EP300: variants seen among roughly 807,000 people sequenced by gnomAD.
EP300 encodes the protein EP300 lysine acetyltransferase.
A neutral mutation model predicts 264.0 loss-of-function variants in EP300; 31 were observed. The ratio of observed to expected loss-of-function variants is 0.12; its 90% confidence interval spans 0.09 to 0.16. The LOEUF is 0.16. Ranked by LOEUF, EP300 falls within the 10% of genes least tolerant of loss-of-function variation. EP300 has a pLI of 1.00. For synonymous variants in EP300, 1,340 were observed against 1,045.4 expected, an observed-to-expected ratio of 1.28 and a Z score of -5.44; for missense variants, 2,766 against 3,052.9, an observed-to-expected ratio of 0.91 and a Z score of 2.21.
intron 4 of EP300, among the ~76,000 whole-genome samples, chr22:41,129,074 GATCTC>G (rs972987738): frequency 2.0e-5 from 3 of 151,974 alleles, no homozygotes; most frequent in Non-Finnish European, 2.9e-5. Flanking sequence ...GCAGTGGTGT[GATCTC>G]AGCTCACCGC....
intron 23 of EP300, among the ~76,000 whole-genome samples, chr22:41,167,830 T>TG (rs2059148368): frequency 1.4e-5 from 1 of 73,654 alleles, no homozygotes; most frequent in African/African-American, 5.2e-5. Context: ...TTTTTTGTTT[T>TG]TTTTTTTTTT....
Position 41,135,915 on chromosome 22 carries a change from T to G in EP300, c.1622+9T>G, listed in dbSNP as rs1307716637. Reference sequence around the variant, plus strand: ...GCCATAAATTCTCAAAAGTAAGTCTTAACGTGATTTATACCCTGGGTCACA... The same window carrying G: ...GCCATAAATTCTCAAAAGTAAGTCTGAACGTGATTTATACCCTGGGTCACA... On this transcript the variant is annotated intron_variant, in intron 7 of 30. Transcript: ENST00000263253. 6.3e-7 allele frequency: 1 copy of G among 1,588,500 alleles called. No homozygotes were observed. Among genetic ancestry groups the G allele is most frequent in the African/African-American group, 1.3e-5 (1 of 74,416 alleles).
At chr22:41,102,860 T>A (rs1374293004) in intron 1 of EP300, among the ~76,000 whole-genome samples, 1 of 152,088 alleles carries the variant, frequency 6.6e-6, no homozygotes, top group Non-Finnish European at 1.5e-5. Context: ...TTATTTATTA[T>A]TTATTTATTT....
intron 19 of EP300, 164 bp downstream of exon 19, chr22:41,158,664 A>G (rs541230482): frequency 2.8e-5 from 18 of 644,264 alleles, no homozygotes; most frequent in South Asian, 6.7e-5. Flanking sequence ...TTGCAGAACA[A>G]TAAAATTTTC....
At position 41,150,309 on chromosome 22, in the gene EP300, A is replaced by C. The variant is rs371609623; in HGVS notation, c.2817+111A>C. ...CTTTATCTCTTACTGTTTTCTCCACAAGTAGAATGTAATCTATTTTTCATT... is the reference window on the plus strand; with the variant it reads ...CTTTATCTCTTACTGTTTTCTCCACCAGTAGAATGTAATCTATTTTTCATT... On this transcript the variant is annotated intron_variant, in intron 14 of 30. Transcript: ENST00000263253. The C allele has an allele frequency of 4.0e-5, 51 of 1,272,714 alleles. No homozygotes were observed. In the East Asian group the frequency reaches 1.2e-3, roughly 30 times the overall value. The allele number at this position is 1,272,714 out of a possible 1,614,324, so 78.8% of individuals were successfully genotyped here.
intron 6 of EP300, among the ~76,000 whole-genome samples, chr22:41,132,702 T>C (rs1043055767): frequency 1.3e-5 from 2 of 151,984 alleles, no homozygotes; most frequent in African/African-American, 4.8e-5. Context: ...TAGAAATGAG[T>C]GTAGTTGGTA....
At position 41,113,157 on chromosome 22, in the gene EP300, AC is replaced by A. The variant is rs10529110; in HGVS notation, c.95-4020del. On this transcript the variant is annotated intron_variant, in intron 1 of 30. Transcript: ENST00000263253. The stretch of plus-strand genomic sequence containing the variant: ...GTTGGCTTGTTTGAATCAGGATTCC[AC>A]CCCCCCCCCAACTTATGCTATGGAT... Among the ~76,000 whole-genome samples the A allele has an allele frequency of 5.0e-3, 463 of 92,764 alleles. 61 individuals carry two copies. Among genetic ancestry groups the A allele is most frequent in the Middle Eastern group, 0.012 (2 of 162 alleles). The allele number at this position is 92,764 out of a possible 152,430, so 60.9% of individuals were successfully genotyped here.
intron 1 of EP300, among the ~76,000 whole-genome samples, chr22:41,107,004 T>C (rs1206764570): frequency 1.3e-5 from 2 of 152,124 alleles, no homozygotes; most frequent in East Asian, 3.9e-4. Context: ...CCTCCAAGGT[T>C]CGGGTGATTC....
chr22:41,118,741 A>T (rs1321721472), intron 2 of EP300, among the ~76,000 whole-genome samples: 1 of 151,954 alleles, frequency 6.6e-6, no homozygotes, highest in Non-Finnish European at 1.5e-5. Flanking sequence ...GGATCGCTTG[A>T]GCCCAGGAGT....
intron 2 of EP300, among the ~76,000 whole-genome samples, chr22:41,125,112 CTTTTTTTTTTT>C (rs930135062): frequency 4.4e-4 from 35 of 80,370 alleles, no homozygotes; most frequent in African/African-American, 1.6e-3. Flanking sequence ...CTTTTCTTTC[CTTTTTTTTTTT>C]TTTTTTTTTT....
intron 1 of EP300, among the ~76,000 whole-genome samples, chr22:41,104,893 G>A (rs910084111): frequency 1.3e-5 from 2 of 150,740 alleles, no homozygotes; most frequent in African/African-American, 4.9e-5. Context: ...GGCCGGGCAC[G>A]GTGGCTTACG....
intron 1 of EP300, among the ~76,000 whole-genome samples, chr22:41,113,162 C>A (rs1227582858): frequency 7.1e-6 from 1 of 139,874 alleles, no homozygotes; most frequent in Non-Finnish European, 1.5e-5. Context: ...ATTCCACCCC[C>A]CCCCCAACTT....
chr22:41,127,192 A>G (rs1008590239), intron 3 of EP300, among the ~76,000 whole-genome samples: 2 of 152,114 alleles, frequency 1.3e-5, no homozygotes, highest in Non-Finnish European at 2.9e-5. Context: ...GCTTTTAACT[A>G]CAGACACCCT....
intron 22 of EP300, among the ~76,000 whole-genome samples, chr22:41,166,150 T>C (rs1371574379): frequency 1.3e-5 from 2 of 152,210 alleles, no homozygotes; most frequent in Non-Finnish European, 1.5e-5. Context: ...TAACATACTA[T>C]AATCCATTTA....
chr22:41,148,382 T>G (rs2145734908), intron 12 of EP300, among the ~76,000 whole-genome samples: 1 of 152,328 alleles, frequency 6.6e-6, no homozygotes, highest in Admixed American at 6.5e-5. Flanking sequence ...CTCTGATTCT[T>G]GACCCTTTTG....
In EP300 at chr22:41,110,122, C is replaced by T. The variant is rs2058781025; in HGVS notation, c.95-7065C>T. Among the ~76,000 whole-genome samples the T allele has an allele frequency of 1.6e-5, 2 of 123,046 alleles. 1 individual carries two copies. Among genetic ancestry groups the T allele is most frequent in the Non-Finnish European group, 3.6e-5 (2 of 56,282 alleles). The allele number at this position is 123,046 out of a possible 152,430, so 80.7% of individuals were successfully genotyped here. A position where few individuals can be genotyped will look rare whatever the true frequency, so the allele number is the denominator to read the frequency against. On this transcript the variant is annotated intron_variant, in intron 1 of 30. Coordinates refer to ENST00000263253, the MANE Select transcript of EP300 (RefSeq NM_001429.4). ...CTGTGCCCATCCTGTTCCCTGCCCC[C>T]CCCCCCTTTTTTTTTAAGTTATTGA...
At chr22:41,137,047 G>T (rs1021833192) in intron 7 of EP300, among the ~76,000 whole-genome samples, 1 of 146,226 alleles carries the variant, frequency 6.8e-6, no homozygotes, top group Non-Finnish European at 1.5e-5. Flanking sequence ...GTGACAGAGC[G>T]ACACGCCATC....
rs1186474207 is a variant in EP300 at position 41,140,251 on chromosome 22, C to G, written c.1872C>G (p.Asn624Lys). ...KVEGDMYESA[N>K]NRAEYYHLLA... is the part of the protein sequence containing the mutation. ...AAGGGGACATGTATGAATCTGCAAA[C>G]AATCGAGTGAGTGTCTGGTTTTTTT... is the stretch of plus-strand genomic sequence containing the variant. The change falls in exon 9 of 31, where the codon AAC (asparagine) becomes AAG (lysine). Residue 624 changes from asparagine (N) to lysine (K), a missense_variant. By Grantham distance (94) the Asn-to-Lys change is moderately conservative. Coordinates refer to ENST00000263253, the MANE Select transcript of EP300 (RefSeq NM_001429.4). 2 of 1,600,576 alleles carry G rather than the reference C, an allele frequency of 1.2e-6. No individual in the cohort carries two copies. The highest frequency in any genetic ancestry group is 1.7e-6 in the Non-Finnish European group (2 of 1,167,636).
At chr22:41,151,790 A>G in intron 14 of EP300, 43 bp from the exon 15 acceptor site, 1 of 1,594,146 alleles carries the variant, frequency 6.3e-7, no homozygotes, top group Non-Finnish European at 8.6e-7. Context: ...TCGTTGGCAG[A>G]CTCTGCGTGT....
Sources: gnomAD v4.1 joint callset for allele counts (sites outside exome capture counted in the v4.1 genomes callset) on GRCh38, gnomAD v4.1.1 for gene constraint, MANE v1.5 for transcripts, NCBI Gene and HGNC (gene_info 2026-07-23, HGNC 2026-07-21) for gene names.